Variants in CSMD1 observed in about 807,000 individuals in gnomAD.
The protein encoded by CSMD1 is CUB and sushi domain-containing protein 1.
Under a neutral mutation model 417.5 loss-of-function variants are expected in CSMD1, and 213 were observed. The ratio of observed to expected loss-of-function variants is 0.51; its 90% CI spans 0.46 to 0.57. The LOEUF is 0.57. Ranked by LOEUF, CSMD1 falls within the 20% of genes least tolerant of loss-of-function variation. CSMD1 has a pLI of 0.00. For missense variants in CSMD1, 6,923 were observed against 4,529.7 expected (o/e 1.53, Z -15.17); for synonymous variants, 2,862 against 1,736.8 (o/e 1.65, Z -16.11).
chr8:3,642,648 T>C (rs912570618), intron 7 of CSMD1, among the ~76,000 whole-genome samples: 2 of 152,080 alleles, frequency 1.3e-5, no homozygotes, highest in African/African-American at 4.8e-5. Flanking sequence ...TAACGGACGG[T>C]CGATGGAGAG....
At chr8:2,992,377 G>A (rs1483416398) in intron 54 of CSMD1, among the ~76,000 whole-genome samples, 2 of 152,084 alleles carry the variant, frequency 1.3e-5, no homozygotes, top group African/African-American at 4.8e-5. Context: ...CCCCTGAACT[G>A]CACACTTTAG....
chr8:3,529,918 A>G (rs1387520470), intron 10 of CSMD1, among the ~76,000 whole-genome samples: 1 of 152,192 alleles, frequency 6.6e-6, no homozygotes, highest in Non-Finnish European at 1.5e-5. Flanking sequence ...CTTTCTAGTC[A>G]TAGAATCAAC....
intron 25 of CSMD1, among the ~76,000 whole-genome samples, chr8:3,303,943 CGCCCCATTATAATAACTAT>C (rs1804610640): frequency 1.3e-5 from 1 of 74,878 alleles, no homozygotes; most frequent in Non-Finnish European, 3.3e-5. Flanking sequence ...TGGGGTATTG[CGCCCCATTATAATAACTAT>C]TTTGGGGTAT....
chr8:4,486,108 T>C (rs992738567), intron 2 of CSMD1, among the ~76,000 whole-genome samples: 4 of 144,182 alleles, frequency 2.8e-5, no homozygotes, highest in Non-Finnish European at 6.0e-5. Context: ...TATATATGTA[T>C]GTATATATAC....
chr8:3,806,932 T>TACTTATACTAA (rs1800772388), intron 5 of CSMD1, among the ~76,000 whole-genome samples: 2 of 152,166 alleles, frequency 1.3e-5, no homozygotes, highest in Non-Finnish European at 2.9e-5. Context: ...TTATTCTAAT[T>TACTTATACTAA]GTCAGATAGG....
intron 5 of CSMD1, among the ~76,000 whole-genome samples, chr8:3,843,388 C>G (rs918017093): frequency 6.6e-6 from 1 of 151,938 alleles, no homozygotes; most frequent in East Asian, 1.9e-4. Context: ...TAATTATAAG[C>G]AAAGATATTT....
In CSMD1 at chr8:3,765,125, C is replaced by G. The variant is rs543914532; in HGVS notation, c.819-11083G>C. Among the ~76,000 whole-genome samples the G allele has an allele frequency of 2.0e-5, 3 of 152,198 alleles. No individual in the cohort carries two copies. The South Asian group carries it at 6.2e-4, about 32-fold the overall frequency. On this transcript the variant is annotated intron_variant, in intron 5 of 69. Coordinates refer to ENST00000635120, the MANE Select transcript of CSMD1 (RefSeq NM_033225.6). ...AGGTCAACTGTCTTAGTACTGAAGACCCTTTATAATATGAATCGATTTGTT... is the reference window on the plus strand; with the variant it reads ...AGGTCAACTGTCTTAGTACTGAAGAGCCTTTATAATATGAATCGATTTGTT...
rs146006696 is a variant in CSMD1, at chr8:3,575,064, T to G, written c.1225A>C (p.Arg409=). The G allele has an allele frequency of 1.4e-3, 2,246 of 1,612,958 alleles. 25 individuals are homozygous for G. The African/African-American group carries it at 0.026, about 19-fold the overall frequency. Residue 409 remains arginine, a splice_region_variant and synonymous_variant, in exon 10 of 70, where the codon AGA becomes CGA. Coordinates refer to ENST00000635120, the MANE Select transcript of CSMD1 (RefSeq NM_033225.6). ...CCACGCAGATTGGATCCACATGTTC[T>G]CGCTGGAAACACATAGAAACGACGT... ...WSDHRPICRA[R]TCGSNLRGPS...
At chr8:4,730,861 G>A (rs1047001691) in intron 1 of CSMD1, among the ~76,000 whole-genome samples, 3 of 152,086 alleles carry the variant, frequency 2.0e-5, no homozygotes, top group South Asian at 2.1e-4. Flanking sequence ...GAGCCGTAAC[G>A]AGAAATGTCT....
At chr8:4,430,063 T>C (rs1797785225) in intron 2 of CSMD1, among the ~76,000 whole-genome samples, 1 of 152,168 alleles carries the variant, frequency 6.6e-6, no homozygotes, top group Non-Finnish European at 1.5e-5. Context: ...CCAGGAAGTA[T>C]AAAAGCAGAA....
At chr8:4,950,246 T>A (rs1808651629) in intron 1 of CSMD1, among the ~76,000 whole-genome samples, 1 of 152,156 alleles carries the variant, frequency 6.6e-6, no homozygotes, top group Admixed American at 6.6e-5. Flanking sequence ...ACAAAATTAG[T>A]CATTTATGCC....
intron 10 of CSMD1, among the ~76,000 whole-genome samples, chr8:3,509,582 T>C (rs534730819): frequency 6.6e-5 from 10 of 152,240 alleles, no homozygotes; most frequent in Non-Finnish European, 1.2e-4. Context: ...TAACTGTTTC[T>C]ATGTTAGAAG....
At chr8:3,335,125 T>C (rs1807169437) in intron 23 of CSMD1, among the ~76,000 whole-genome samples, 3 of 152,162 alleles carry the variant, frequency 2.0e-5, no homozygotes, top group South Asian at 4.1e-4. Flanking sequence ...CTGCAGTCAA[T>C]GGTGGTTGGA....
chr8:4,026,264 A>G (rs1170707552), intron 4 of CSMD1, among the ~76,000 whole-genome samples: 1 of 152,224 alleles, frequency 6.6e-6, no homozygotes, highest in Non-Finnish European at 1.5e-5. Flanking sequence ...AATAACATGT[A>G]ATGGAACGCA....
chr8:4,353,454 C>A (rs1378710397), intron 3 of CSMD1, among the ~76,000 whole-genome samples: 1 of 151,878 alleles, frequency 6.6e-6, no homozygotes, highest in East Asian at 1.9e-4. Context: ...TCTTTATTAG[C>A]AGTGTGAGAA....
At chr8:3,960,154 C>T (rs996330743) in intron 5 of CSMD1, among the ~76,000 whole-genome samples, 38 of 152,278 alleles carry the variant, frequency 2.5e-4, no homozygotes, top group African/African-American at 8.7e-4. Context: ...ACATTTTTTA[C>T]AGCGTATCTT....
chr8:3,461,055 C>T (rs139156799), intron 12 of CSMD1, among the ~76,000 whole-genome samples: 18 of 152,298 alleles, frequency 1.2e-4, no homozygotes, highest in African/African-American at 4.1e-4. Flanking sequence ...CACATGAGTT[C>T]ATGTGACACG....
chr8:3,821,268 A>G (rs1801720457), intron 5 of CSMD1, among the ~76,000 whole-genome samples: 1 of 152,204 alleles, frequency 6.6e-6, no homozygotes, highest in Admixed American at 6.5e-5. Context: ...AATAACAATC[A>G]AAAGTATAGG....
chr8:4,211,571 T>C (rs140305021), intron 3 of CSMD1, among the ~76,000 whole-genome samples: 3 of 152,186 alleles, frequency 2.0e-5, no homozygotes, highest in South Asian at 2.1e-4. Context: ...TCAAATTAGA[T>C]AGAAGTTTTG....
Sources: gnomAD v4.1 joint callset for allele counts (sites outside exome capture counted in the v4.1 genomes callset) on GRCh38, gnomAD v4.1.1 for gene constraint, MANE v1.5 for transcripts, NCBI Gene and HGNC (gene_info 2026-07-23, HGNC 2026-07-21) for gene names.